The following STRADB variants were observed in gnomAD, a reference collection of about 807,000 sequenced individuals.
The protein encoded by STRADB is STE20-related kinase adapter protein beta.
In STRADB, 34 loss-of-function variants were observed where a neutral mutation model predicts 52.1. The ratio of observed to expected loss-of-function variants is 0.65; its 90% CI spans 0.50 to 0.87. The LOEUF (loss-of-function observed/expected upper bound fraction) is 0.87. STRADB is among the 40% of genes least tolerant of loss of function. STRADB has a pLI of 0.00. For missense variants in STRADB, 340 were observed against 483.9 expected, an observed-to-expected ratio of 0.70 and a Z score of 2.79; for synonymous variants, 133 against 174.5, an observed-to-expected ratio of 0.76 and a Z score of 1.87.
chr2:201,465,187 A>G (rs1354676864), intron 3 of STRADB, among the ~76,000 whole-genome samples: 5 of 151,992 alleles, frequency 3.3e-5, no homozygotes, highest in Non-Finnish European at 7.4e-5. Flanking sequence ...TGGCCACCAC[A>G]GTTGGGAATG....
rs201309505 is a variant in STRADB at position 201,479,055 on chromosome 2, A to T, written c.1071-434A>T. 4.4e-5 allele frequency: 8 copies of T among 182,612 alleles called. No individual in the cohort carries two copies. In the East Asian group the frequency reaches 1.2e-3, roughly 27 times the overall value. 11.3% of individuals were successfully genotyped at this position (182,612 alleles called of 1,614,324 possible). On this transcript the variant is annotated intron_variant, in intron 10 of 11. Transcript: ENST00000194530. ...GCCACTGCACTGTAACCTAGGTGAC[A>T]GAGCGAGACTCCATCTCAAAAGAAA...
intron 3 of STRADB, among the ~76,000 whole-genome samples, chr2:201,462,419 G>A (rs1952230237): frequency 6.6e-6 from 1 of 152,078 alleles, no homozygotes; most frequent in South Asian, 2.1e-4. Context: ...TGATTGATAA[G>A]GACTTAACTG....
chr2:201,477,262 C>T (rs1952492425), intron 7 of STRADB, among the ~76,000 whole-genome samples: 1 of 151,718 alleles, frequency 6.6e-6, no homozygotes, highest in Non-Finnish European at 1.5e-5. Context: ...GACGGGGTTT[C>T]ACCATGTTAT....
At chr2:201,468,865 T>C (rs989998230) in intron 3 of STRADB, among the ~76,000 whole-genome samples, 1 of 152,248 alleles carries the variant, frequency 6.6e-6, no homozygotes, top group African/African-American at 2.4e-5. Flanking sequence ...ACTACCTGTT[T>C]TAAAGAAACT....
rs559803982 is a variant in STRADB, at chr2:201,472,494, A to G, written c.194-461A>G. ...AAGCATATGCCAAGTGAAAGAAGCTAAACACAAAAGAAGTTGACAACTGTG... is the reference window on the plus strand; with the variant it reads ...AAGCATATGCCAAGTGAAAGAAGCTGAACACAAAAGAAGTTGACAACTGTG... On this transcript the variant is annotated intron_variant, in intron 4 of 11. Transcript: ENST00000194530. 8.5e-4 allele frequency among the ~76,000 whole-genome samples: 129 copies of G among 152,188 alleles called. 1 individual carries two copies. In the South Asian group the frequency reaches 0.026, roughly 31 times the overall value.
intron 7 of STRADB, among the ~76,000 whole-genome samples, chr2:201,477,088 A>G (rs1409022797): frequency 2.7e-5 from 3 of 109,944 alleles, no homozygotes; most frequent in Admixed American, 2.1e-4. Flanking sequence ...TGAGACAGAC[A>G]GAGTCTCACT....
rs1559468397 is a variant in STRADB, at chr2:201,475,711, A to C, written c.517A>C (p.Asn173His). ...NILFGAVRGL[N>H]YLHQNGCIHR... ...TCTCTTTGGAGCCGTGAGAGGGTTG[A>C]ACTATCTGCACCAAAATGGCTGTAT... Residue 173 changes from asparagine (N) to histidine (H), a missense_variant, in exon 7 of 12, where the codon AAC becomes CAC. Asn to His is a moderately conservative substitution (Grantham distance 68). Transcript: ENST00000194530. 1.9e-6 allele frequency: 3 copies of C among 1,611,880 alleles called. No individual in the cohort carries two copies. The highest frequency in any genetic ancestry group is 1.7e-5 in the Admixed American group (1 of 59,880).
At chr2:201,452,758 A>G (rs1952066610) in intron 1 of STRADB, among the ~76,000 whole-genome samples, 2 of 152,236 alleles carry the variant, frequency 1.3e-5, no homozygotes, top group Non-Finnish European at 1.5e-5. Flanking sequence ...AATTAACTCA[A>G]AACCCGTGTT....
chr2:201,454,688 C>A, intron 1 of STRADB, 58 bp from the exon 2 acceptor site: 1 of 656,806 alleles, frequency 1.5e-6, no homozygotes, highest in Non-Finnish European at 2.5e-6. Flanking sequence ...TTTAAGGCAA[C>A]TGGTTCTTTA....
rs762547833 is a variant in STRADB, at chr2:201,479,980, C to CTGAT, written c.1114-51_1114-48dup. On this transcript the variant is annotated intron_variant, in intron 11 of 11. Coordinates refer to ENST00000194530, the MANE Select transcript of STRADB (RefSeq NM_018571.6). ...TAAAAGTTATTTATTGCTAACAAAACTGATATATTGAAATGATATATCAAC... is the reference window on the plus strand; with the variant it reads ...TAAAAGTTATTTATTGCTAACAAAACTGATTGATATATTGAAATGATATATCAAC... 1.9e-6 allele frequency: 3 copies of CTGAT among 1,576,522 alleles called. No homozygotes were observed. In the South Asian group the frequency reaches 3.3e-5, roughly 18 times the overall value.
At chr2:201,454,685 C>A (rs1952101525) in intron 1 of STRADB, 61 bp from the exon 2 acceptor site, 3 of 630,506 alleles carry the variant, frequency 4.8e-6, no homozygotes, top group African/African-American at 1.8e-5. Flanking sequence ...GGGTTTAAGG[C>A]AACTGGTTCT....
rs947208053 is a variant in STRADB, at chr2:201,478,152, C to T, written c.786C>T (p.Ala262=). ...TTGGGATTACAGCATGTGAATTAGC[C>T]AGTGGGCAGGTGCCTTTCCAGGACA... The part of the protein sequence containing the change: ...YSVGITACEL[A]SGQVPFQDMH... The change falls in exon 9 of 12, where the codon GCC becomes GCT. Residue 262 remains alanine, a synonymous_variant. Coordinates refer to ENST00000194530, the MANE Select transcript of STRADB (RefSeq NM_018571.6). 6 of 1,613,708 alleles carry T rather than the reference C, an allele frequency of 3.7e-6. No homozygotes were observed. The highest frequency in any genetic ancestry group is 5.1e-6 in the Non-Finnish European group (6 of 1,179,884).
Position 201,473,047 on chromosome 2 carries a change from T to C in STRADB, c.286T>C (p.Cys96Arg), listed in dbSNP as rs1473985845. ...VTIKITNLEN[C>R]NEERLKALQK... The stretch of plus-strand genomic sequence containing the variant: ...TATAAAAATTACAAATCTGGAAAAC[T>C]GCAATGAAGAACGCCTGAAAGCTTT... The change falls in exon 5 of 12, where the codon TGC becomes CGC. Residue 96 changes from cysteine to arginine, a missense_variant. Transcript: ENST00000194530. 3.1e-6 allele frequency: 5 copies of C among 1,613,084 alleles called. No homozygotes were observed. The Admixed American group carries it at 5.0e-5, about 16-fold the overall frequency.
intron 2 of STRADB, among the ~76,000 whole-genome samples, chr2:201,457,085 G>A (rs1952139438): frequency 6.6e-6 from 1 of 152,222 alleles, no homozygotes; most frequent in African/African-American, 2.4e-5. Context: ...TTTAGACACA[G>A]TGAGCGATTC....
intron 5 of STRADB, 137 bp downstream of exon 5, chr2:201,473,213 C>A: frequency 1.3e-6 from 1 of 754,032 alleles, no homozygotes; most frequent in Non-Finnish European, 1.9e-6. Flanking sequence ...AAATAAAACA[C>A]AGCATAACTA....
Position 201,477,043 on chromosome 2 carries a change from A to G in STRADB, c.549-576A>G, listed in dbSNP as rs563030317. Among the ~76,000 whole-genome samples the G allele has an allele frequency of 1.6e-4, 23 of 139,990 alleles. No homozygotes were observed. In the South Asian group the frequency reaches 4.4e-3, roughly 27 times the overall value. 91.8% of individuals were successfully genotyped at this position (139,990 alleles called of 152,430 possible). A position where few individuals can be genotyped will look rare whatever the true frequency, so the allele number is the denominator to read the frequency against. On this transcript the variant is annotated intron_variant, in intron 7 of 11. Transcript: ENST00000194530. ...TTGATTCCATTTCTTGTTTGAAAAA[A>G]TATTATCAGTTTTTTTTTTTTTTTT...
chr2:201,478,933 T>C (rs1001709776), intron 10 of STRADB, among the ~76,000 whole-genome samples: 1 of 151,866 alleles, frequency 6.6e-6, no homozygotes, highest in African/African-American at 2.4e-5. Flanking sequence ...AATTAGCCGG[T>C]GTGGTGGCAT....
In STRADB at chr2:201,472,770, A is replaced by T. The variant is rs530468067; in HGVS notation, c.194-185A>T. On this transcript the variant is annotated intron_variant, in intron 4 of 11. Transcript: ENST00000194530. ...TCTTATTTTGTGGATTGCCTGTTTA[A>T]TCCTCTGCCTGTTTTTTAATTGGAT... The T allele has an allele frequency of 3.0e-3, 1,440 of 473,342 alleles. 8 individuals are homozygous for T. Among genetic ancestry groups the T allele is most frequent in the Non-Finnish European group, 4.3e-3 (1,185 of 276,490 alleles). 29.3% of individuals were successfully genotyped at this position (473,342 alleles called of 1,614,324 possible). A position where few individuals can be genotyped will look rare whatever the true frequency, so the allele number is the denominator to read the frequency against.
chr2:201,457,975 G>C (rs952516534), intron 2 of STRADB, among the ~76,000 whole-genome samples: 1 of 151,912 alleles, frequency 6.6e-6, no homozygotes, highest in Non-Finnish European at 1.5e-5. Flanking sequence ...ATCAAGCCAA[G>C]ATTGCACCAC....
Sources: gnomAD v4.1 joint callset for allele counts (sites outside exome capture counted in the v4.1 genomes callset) on GRCh38, gnomAD v4.1.1 for gene constraint, MANE v1.5 for transcripts, NCBI Gene and HGNC (gene_info 2026-07-23, HGNC 2026-07-21) for gene names.